DYDC1: variants seen among roughly 807,000 people sequenced by gnomAD.
DYDC1 encodes DPY30 domain-containing protein 1.
Under a neutral mutation model 27.9 loss-of-function variants are expected in DYDC1, and 21 were observed. That is an observed-to-expected ratio of 0.75 (90% CI 0.53 to 1.08). DYDC1 has a LOEUF of 1.08. Among genes scored for constraint, DYDC1 ranks in the 50% least tolerant of loss-of-function variants. The pLI, the probability that DYDC1 is intolerant of heterozygous loss-of-function variation, is 0.00. For synonymous variants in DYDC1, 67 were observed against 65.8 expected, an observed-to-expected ratio of 1.02 and a Z score of -0.09; for missense variants, 202 against 205.9, an observed-to-expected ratio of 0.98 and a Z score of 0.12.
At position 80,338,521 on chromosome 10, in the gene DYDC1, A is replaced by G; in HGVS notation, c.450T>C (p.Tyr150=). The G allele has an allele frequency of 1.2e-6, 2 of 1,611,602 alleles. No homozygotes were observed. Among genetic ancestry groups the G allele is most frequent in the South Asian group, 1.1e-5 (1 of 90,586 alleles). ...GKTLAEISDR[Y]GAPNLSRVEE... ...CCACTCTGCTCAAGTTAGGTGCTCC[A>G]TAACGATCGCTGATTTCAGCTAGTG... Residue 150 remains tyrosine (Y), a synonymous_variant, in exon 6 of 7, where the codon TAT becomes TAC. Transcript: ENST00000372202.
At chr10:80,338,379 G>T in intron 6 of DYDC1, 88 bp downstream of exon 6, 3 of 1,545,002 alleles carry the variant, frequency 1.9e-6, no homozygotes, top group Non-Finnish European at 2.6e-6. Flanking sequence ...TCCTGGCCTA[G>T]CCTCATTTTC....
At chr10:80,356,321 A>T in intron 1 of DYDC1, 1 of 985,590 alleles carries the variant, frequency 1.0e-6, no homozygotes, top group East Asian at 1.1e-4. Flanking sequence ...AGCGTGAAGA[A>T]GGTGCCACAG....
chr10:80,336,144 G>T lies in DYDC1; in HGVS notation c.*12C>A. On this transcript the variant is annotated 3_prime_UTR_variant, in exon 7 of 7. Transcript: ENST00000372202. ...CAAACAAAAACATTTATTGCTCTTAGGTTGGTTGGTCCTACAAATCTTGAT... is the reference window on the plus strand; with the variant it reads ...CAAACAAAAACATTTATTGCTCTTATGTTGGTTGGTCCTACAAATCTTGAT... 7.0e-7 allele frequency: 1 copy of T among 1,429,290 alleles called. No homozygotes were observed. Among genetic ancestry groups the T allele is most frequent in the Admixed American group, 2.0e-5 (1 of 51,254 alleles). The allele number at this position is 1,429,290 out of a possible 1,614,324, so 88.5% of individuals were successfully genotyped here.
intron 3 of DYDC1, among the ~76,000 whole-genome samples, chr10:80,347,151 C>T (rs958262516): frequency 1.3e-5 from 2 of 151,786 alleles, no homozygotes; most frequent in Admixed American, 6.6e-5. Flanking sequence ...TTGATTTGCA[C>T]TTCCCTGATG....
At chr10:80,336,075 G>T, downstream of DYDC1, 1 of 961,056 alleles carries the variant, frequency 1.0e-6, no homozygotes. Flanking sequence ...CAAGTTTGAA[G>T]GAAAAAAATA....
chr10:80,352,576 TGC>T lies in DYDC1; in HGVS notation c.24_25del (p.His9ProfsTer32). 6.2e-7 allele frequency: 1 copy of T among 1,610,626 alleles called. No homozygotes were observed. Among genetic ancestry groups the T allele is most frequent in the South Asian group, 1.1e-5 (1 of 89,982 alleles). The stretch of plus-strand genomic sequence containing the variant: ...ACCTTGAGTTAAACAGGCCCCAAGG[TGC>T]TTTTGAAGATATATTGACTCCATTT... On this transcript the variant is annotated frameshift_variant, in exon 2 of 7. Transcript: ENST00000372202. LOFTEE classifies it high-confidence loss of function.
chr10:80,354,590 T>G (rs1843241735), intron 1 of DYDC1: 1 of 151,196 alleles, frequency 6.6e-6, no homozygotes, highest in Admixed American at 6.6e-5. Context: ...CCCCCAAAAA[T>G]CCATATGTTG....
chr10:80,343,107 T>C (rs12411787), intron 3 of DYDC1, among the ~76,000 whole-genome samples: 1 of 152,178 alleles, frequency 6.6e-6, no homozygotes, highest in Non-Finnish European at 1.5e-5. Flanking sequence ...ATAAAGCCTG[T>C]GGGCCAAAGC....
intron 4 of DYDC1, among the ~76,000 whole-genome samples, chr10:80,340,508 G>A (rs1184658909): frequency 6.6e-6 from 1 of 152,196 alleles, no homozygotes; most frequent in Non-Finnish European, 1.5e-5. Flanking sequence ...AATAACATGA[G>A]TGTGGCTCTC....
intron 6 of DYDC1, chr10:80,336,408 T>G: frequency 3.3e-6 from 3 of 922,708 alleles, no homozygotes; most frequent in Non-Finnish European, 3.9e-6. Context: ...TACTATGCAT[T>G]CTCATCCTTC....
At chr10:80,342,064 A>G (rs1439321085) in intron 4 of DYDC1, among the ~76,000 whole-genome samples, 5 of 151,132 alleles carry the variant, frequency 3.3e-5, no homozygotes, top group Non-Finnish European at 7.4e-5. Flanking sequence ...AGACATTGCT[A>G]ATAGTATTAT....
At chr10:80,344,289 C>CA (rs1055359195) in intron 3 of DYDC1, among the ~76,000 whole-genome samples, 5 of 151,438 alleles carry the variant, frequency 3.3e-5, no homozygotes, top group Admixed American at 6.6e-5. Flanking sequence ...TTTCAGTGGC[C>CA]AAAAAAAATG....
chr10:80,351,951 C>A lies in DYDC1; in HGVS notation c.199G>T (p.Glu67Ter). ...LERERELALMEQEMMERLKAE... is the reference protein window; with the variant it reads ...LERERELALM The stretch of plus-strand genomic sequence containing the variant: ...TTGAGCCTCTCCATCATTTCCTGCT[C>A]CATCAGAGCTAATTCTCTTTCACGC... Residue 67 changes from glutamate (E) to a stop codon, truncating the protein, a stop_gained, in exon 3 of 7, where the codon GAG (glutamate) becomes TAG (stop). Transcript: ENST00000372202. LOFTEE classifies it high-confidence loss of function. The A allele has an allele frequency of 1.9e-6, 3 of 1,614,168 alleles. No individual in the cohort carries two copies. Among genetic ancestry groups the A allele is most frequent in the Non-Finnish European group, 2.5e-6 (3 of 1,180,022 alleles).
At chr10:80,347,272 GATCCTTTT>G (rs368627350) in intron 3 of DYDC1, among the ~76,000 whole-genome samples, 2 of 61,470 alleles carry the variant, frequency 3.3e-5, no homozygotes, top group Non-Finnish European at 5.8e-5. Flanking sequence ...TTTTAATTGG[GATCCTTTT>G]TTTTTTTTTT....
chr10:80,349,276 CTT>C (rs1842849621), intron 3 of DYDC1, among the ~76,000 whole-genome samples: 1 of 152,182 alleles, frequency 6.6e-6, no homozygotes, highest in Non-Finnish European at 1.5e-5. Context: ...CTTTTAAAAA[CTT>C]TTTTAAATTC....
intron 1 of DYDC1, chr10:80,356,354 C>G: frequency 1.0e-6 from 1 of 985,858 alleles, no homozygotes; most frequent in Non-Finnish European, 1.2e-6. Flanking sequence ...ATTCCTTACC[C>G]ACACCTGGGA....
chr10:80,348,257 G>T (rs1842785627), intron 3 of DYDC1, among the ~76,000 whole-genome samples: 1 of 152,172 alleles, frequency 6.6e-6, no homozygotes. Context: ...TTTCGAGTAA[G>T]TTATTGGTAA....
At chr10:80,342,564 C>A (rs78368710) in intron 3 of DYDC1, among the ~76,000 whole-genome samples, 9,572 of 152,262 alleles carry the variant, frequency 0.063, 376 homozygotes, top group Middle Eastern at 0.095. Flanking sequence ...ACAATTTGTA[C>A]AAAATTATTT....
chr10:80,351,957 G>A lies in DYDC1; in HGVS notation c.193C>T (p.Leu65=), dbSNP rs1843010315. Residue 65 remains leucine, a synonymous_variant, in exon 3 of 7, where the codon CTG becomes TTG. Coordinates refer to ENST00000372202, the MANE Select transcript of DYDC1 (RefSeq NM_001269053.2). ...AKLERERELA[L]MEQEMMERLK... ...CTCTCCATCATTTCCTGCTCCATCAGAGCTAATTCTCTTTCACGCTCCAGC... is the reference window on the plus strand; with the variant it reads ...CTCTCCATCATTTCCTGCTCCATCAAAGCTAATTCTCTTTCACGCTCCAGC... The A allele has an allele frequency of 6.2e-7, 1 of 1,614,006 alleles. No homozygotes were observed. Among genetic ancestry groups the A allele is most frequent in the Non-Finnish European group, 8.5e-7 (1 of 1,180,044 alleles).
Sources: gnomAD v4.1 joint callset for allele counts (sites outside exome capture counted in the v4.1 genomes callset) on GRCh38, gnomAD v4.1.1 for gene constraint, MANE v1.5 for transcripts, NCBI Gene and HGNC (gene_info 2026-07-23, HGNC 2026-07-21) for gene names.